The following DLG2 variants were observed in gnomAD, a reference collection of about 807,000 sequenced individuals.
DLG2 encodes the protein discs large MAGUK scaffold protein 2.
In DLG2, 45 loss-of-function variants were observed where a neutral mutation model predicts 132.5. The ratio of observed to expected loss-of-function variants is 0.34; its 90% confidence interval spans 0.27 to 0.44. DLG2 has a LOEUF of 0.44. DLG2 is among the 20% of genes least tolerant of loss of function. The pLI is 1.00. For synonymous variants in DLG2, 424 were observed against 419.6 expected (o/e 1.01, Z -0.13); for missense variants, 1,045 against 1,196.9 (o/e 0.87, Z 1.87).
intron 6 of DLG2, among the ~76,000 whole-genome samples, chr11:85,060,765 G>A (rs921889486): frequency 3.3e-5 from 5 of 151,448 alleles, no homozygotes; most frequent in African/African-American, 7.3e-5. Context: ...ACTGTTTTCC[G>A]TGGCAGGTTC....
At chr11:83,594,792 G>C (rs976732560) in intron 19 of DLG2, among the ~76,000 whole-genome samples, 17 of 152,170 alleles carry the variant, frequency 1.1e-4, no homozygotes, top group African/African-American at 4.1e-4. Context: ...TGGAAGGTTT[G>C]TATGGAATTT....
At chr11:84,308,644 G>T (rs1403312171) in intron 7 of DLG2, among the ~76,000 whole-genome samples, 4 of 152,076 alleles carry the variant, frequency 2.6e-5, no homozygotes, top group Admixed American at 2.6e-4. Context: ...GGAGCTCACG[G>T]AGTGGGGGAG....
At chr11:85,511,282 T>G (rs1317416832) in intron 3 of DLG2, among the ~76,000 whole-genome samples, 1 of 151,786 alleles carries the variant, frequency 6.6e-6, no homozygotes, top group Non-Finnish European at 1.5e-5. Context: ...AAATGACGAG[T>G]TAATGGGTGC....
intron 9 of DLG2, among the ~76,000 whole-genome samples, chr11:84,104,013 G>T (rs2092724452): frequency 6.6e-6 from 1 of 151,846 alleles, no homozygotes; most frequent in African/African-American, 2.4e-5. Flanking sequence ...TGTGTTCAAG[G>T]TTTGTTGCAT....
chr11:85,239,959 T>C (rs2075795629), intron 4 of DLG2, among the ~76,000 whole-genome samples: 1 of 151,948 alleles, frequency 6.6e-6, no homozygotes, highest in African/African-American at 2.4e-5. Context: ...AAATGTTCAA[T>C]TTTACAAGAC....
chr11:83,796,261 G>C (rs2042796965), intron 17 of DLG2, among the ~76,000 whole-genome samples: 1 of 152,118 alleles, frequency 6.6e-6, no homozygotes, highest in Non-Finnish European at 1.5e-5. Flanking sequence ...TGCCTTTCAG[G>C]AAAATCCATT....
chr11:84,393,116 C>T (rs1052353516), intron 7 of DLG2, among the ~76,000 whole-genome samples: 5 of 152,090 alleles, frequency 3.3e-5, no homozygotes, highest in Admixed American at 6.6e-5. Context: ...AGAAATCAGA[C>T]GGGATCGCCT....
chr11:83,996,700 T>C (rs1002489459), intron 11 of DLG2, among the ~76,000 whole-genome samples: 6 of 152,080 alleles, frequency 3.9e-5, no homozygotes, highest in African/African-American at 7.2e-5. Context: ...TTATGTTAAG[T>C]GAAATAAGCA....
At chr11:85,029,246 A>C (rs992263061) in intron 6 of DLG2, among the ~76,000 whole-genome samples, 5 of 152,122 alleles carry the variant, frequency 3.3e-5, no homozygotes, top group African/African-American at 7.2e-5. Context: ...CATAGATGAA[A>C]CAACGTAAAC....
chr11:84,976,117 G>A (rs554722809), intron 6 of DLG2, among the ~76,000 whole-genome samples: 1 of 152,154 alleles, frequency 6.6e-6, no homozygotes, highest in South Asian at 2.1e-4. Context: ...TTATAAGAAT[G>A]GTGACATTAT....
intron 6 of DLG2, chr11:84,720,501 C>T: frequency 1.0e-6 from 1 of 984,754 alleles, no homozygotes; most frequent in South Asian, 4.7e-5. Flanking sequence ...TCGATCACTG[C>T]CCCCTGCACC....
intron 18 of DLG2, among the ~76,000 whole-genome samples, chr11:83,680,755 C>A (rs887168560): frequency 6.6e-6 from 1 of 152,008 alleles, no homozygotes; most frequent in Non-Finnish European, 1.5e-5. Flanking sequence ...TTCAAATCTG[C>A]CAAGTTTTTG....
intron 7 of DLG2, among the ~76,000 whole-genome samples, chr11:84,297,926 C>T (rs1297967059): frequency 5.3e-5 from 8 of 151,952 alleles, no homozygotes; most frequent in Non-Finnish European, 1.0e-4. Flanking sequence ...CATAAGGTTG[C>T]CCCCTTTTCA....
intron 3 of DLG2, among the ~76,000 whole-genome samples, chr11:85,555,945 C>T (rs999800204): frequency 2.0e-5 from 3 of 151,824 alleles, no homozygotes; most frequent in Admixed American, 6.6e-5. Flanking sequence ...GAGCCTCAAC[C>T]ATCTGGCCCC....
chr11:85,301,296 G>A (rs994460865), intron 3 of DLG2, among the ~76,000 whole-genome samples: 22 of 152,154 alleles, frequency 1.4e-4, no homozygotes, highest in African/African-American at 4.8e-4. Context: ...GTAGACTGAT[G>A]TATTCTGAAC....
intron 19 of DLG2, among the ~76,000 whole-genome samples, chr11:83,591,948 C>T (rs1289590440): frequency 7.0e-6 from 1 of 143,490 alleles, no homozygotes; most frequent in African/African-American, 2.6e-5. Flanking sequence ...ATGTGAAGGA[C>T]CTCTTCAAGG....
chr11:84,449,041 T>C (rs868637235), intron 7 of DLG2, among the ~76,000 whole-genome samples: 2 of 151,324 alleles, frequency 1.3e-5, no homozygotes, highest in African/African-American at 2.4e-5. Context: ...TATACTCATC[T>C]TCATACCATA....
chr11:85,379,095 T>A (rs1007005030), intron 3 of DLG2, among the ~76,000 whole-genome samples: 1 of 152,206 alleles, frequency 6.6e-6, no homozygotes, highest in Non-Finnish European at 1.5e-5. Flanking sequence ...CCAGTCATGC[T>A]TCATTCACCA....
chr11:85,208,972 C>T (rs2082076726), intron 4 of DLG2, among the ~76,000 whole-genome samples: 1 of 152,094 alleles, frequency 6.6e-6, no homozygotes, highest in East Asian at 1.9e-4. Flanking sequence ...TACCCTCCCG[C>T]AATATGTAAG....
Sources: gnomAD v4.1 joint callset for allele counts (sites outside exome capture counted in the v4.1 genomes callset) on GRCh38, gnomAD v4.1.1 for gene constraint, MANE v1.5 for transcripts, NCBI Gene and HGNC (gene_info 2026-07-23, HGNC 2026-07-21) for gene names.